The following PLEKHA1 variants were observed in gnomAD, a reference collection of about 807,000 sequenced individuals.
PLEKHA1 encodes the protein pleckstrin homology domain-containing family A member 1.
A neutral mutation model predicts 52.0 loss-of-function variants in PLEKHA1; 34 were observed. The ratio of observed to expected loss-of-function variants is 0.65; its 90% CI spans 0.50 to 0.87. PLEKHA1 has a LOEUF of 0.87. Ranked by LOEUF, PLEKHA1 falls within the 40% of genes least tolerant of loss-of-function variation. The pLI is 0.00. For missense variants in PLEKHA1, 497 were observed against 504.2 expected, an observed-to-expected ratio of 0.99 and a Z score of 0.14; for synonymous variants, 163 against 170.7, an observed-to-expected ratio of 0.95 and a Z score of 0.35.
chr10:122,406,755 C>T, intron 5 of PLEKHA1, 82 bp downstream of exon 5: 1 of 1,023,012 alleles, frequency 9.8e-7, no homozygotes, highest in Non-Finnish European at 1.5e-6. Context: ...CCAAATGTTC[C>T]CAGCTTACCA....
At chr10:122,432,866 T>C (rs944383077), downstream of PLEKHA1, 1 of 152,218 alleles carries the variant, frequency 6.6e-6, no homozygotes, top group African/African-American at 2.4e-5. Flanking sequence ...CAGTGCTTGG[T>C]GCACTTGGTA....
chr10:122,391,449 G>T (rs78012312), intron 1 of PLEKHA1, among the ~76,000 whole-genome samples: 330 of 152,282 alleles, frequency 2.2e-3, no homozygotes, highest in Non-Finnish European at 3.6e-3. Flanking sequence ...TATAAATGGT[G>T]TGAGGTAGGG....
chr10:122,394,654 A>G (rs769379235), intron 2 of PLEKHA1, among the ~76,000 whole-genome samples: 14 of 152,168 alleles, frequency 9.2e-5, no homozygotes, highest in Non-Finnish European at 1.6e-4. Flanking sequence ...GACAAGATAT[A>G]TATGTGTCTA....
intron 1 of PLEKHA1, among the ~76,000 whole-genome samples, chr10:122,386,156 G>GT (rs201449337): frequency 1.5e-4 from 23 of 151,946 alleles, no homozygotes; most frequent in African/African-American, 2.9e-4. Flanking sequence ...TGTTGTCAGG[G>GT]TTTTTTTTGT....
intron 4 of PLEKHA1, among the ~76,000 whole-genome samples, chr10:122,405,711 C>T (rs907898621): frequency 3.3e-5 from 5 of 151,942 alleles, no homozygotes; most frequent in Admixed American, 2.0e-4. Flanking sequence ...AACTACTACT[C>T]AAGGGCTAGA....
chr10:122,385,475 C>G (rs948693301), intron 1 of PLEKHA1, among the ~76,000 whole-genome samples: 19 of 151,964 alleles, frequency 1.3e-4, no homozygotes, highest in Admixed American at 1.1e-3. Flanking sequence ...CACCACCATG[C>G]CCGGCTAATT....
chr10:122,422,450 G>A (rs751979294), intron 8 of PLEKHA1: 1 of 152,182 alleles, frequency 6.6e-6, no homozygotes, highest in East Asian at 1.9e-4. Flanking sequence ...AGCCACCATC[G>A]GGTGTGTACC....
intron 11 of PLEKHA1, among the ~76,000 whole-genome samples, chr10:122,427,458 G>A (rs577346637): frequency 1.3e-5 from 2 of 152,080 alleles, no homozygotes; most frequent in African/African-American, 4.8e-5. Flanking sequence ...AGGTTTTTTG[G>A]TTTTGTTTTG....
At chr10:122,382,078 T>A (rs1487207874) in intron 1 of PLEKHA1, among the ~76,000 whole-genome samples, 1 of 152,228 alleles carries the variant, frequency 6.6e-6, no homozygotes. Context: ...TAGGGTTTCT[T>A]ATGTACTCTA....
chr10:122,431,546 C>G lies in PLEKHA1; in HGVS notation c.*1608C>G, dbSNP rs1206906542. 6.6e-6 allele frequency: 1 copy of G among 152,586 alleles called. No homozygotes were observed. Among genetic ancestry groups the G allele is most frequent in the Non-Finnish European group, 1.5e-5 (1 of 68,018 alleles). 9.5% of individuals were successfully genotyped at this position (152,586 alleles called of 1,614,324 possible). On this transcript the variant is annotated 3_prime_UTR_variant, in exon 12 of 12. Transcript: ENST00000368990. ...TGTTTTGTTTTGAATTCATGCATAT[C>G]ATTGAAAATTTCTCGTTTTCATTTT...
chr10:122,392,466 G>T (rs1001721226), intron 1 of PLEKHA1: 1 of 152,068 alleles, frequency 6.6e-6, no homozygotes, highest in Non-Finnish European at 1.5e-5. Context: ...CCATCAGGAG[G>T]CACATCATAC....
At chr10:122,406,899 A>G (rs1275297456) in intron 5 of PLEKHA1, among the ~76,000 whole-genome samples, 1 of 152,220 alleles carries the variant, frequency 6.6e-6, no homozygotes, top group East Asian at 1.9e-4. Flanking sequence ...ATAAGGAGAT[A>G]TATTACTGCA....
At chr10:122,401,617 A>G (rs1164615158) in intron 4 of PLEKHA1, among the ~76,000 whole-genome samples, 5 of 152,178 alleles carry the variant, frequency 3.3e-5, no homozygotes, top group Non-Finnish European at 7.4e-5. Context: ...GAACTTCCAA[A>G]TGGAAATGTT....
At chr10:122,388,910 G>C (rs546762662) in intron 1 of PLEKHA1, among the ~76,000 whole-genome samples, 1 of 147,738 alleles carries the variant, frequency 6.8e-6, no homozygotes, top group Non-Finnish European at 1.5e-5. Context: ...TAGTAATTTA[G>C]TCACATTTTC....
At chr10:122,416,946 T>C (rs1484497799) in intron 7 of PLEKHA1, 2 of 154,412 alleles carry the variant, frequency 1.3e-5, no homozygotes, top group African/African-American at 4.8e-5. Context: ...GGTTTCTTAC[T>C]GTACAATGTC....
chr10:122,396,624 C>T (rs1304327129), intron 2 of PLEKHA1, among the ~76,000 whole-genome samples: 1 of 151,982 alleles, frequency 6.6e-6, no homozygotes, highest in Admixed American at 6.6e-5. Flanking sequence ...CTTCCAGTTA[C>T]CTCCTAATCA....
At chr10:122,397,475 G>A (rs1207874885) in intron 2 of PLEKHA1, among the ~76,000 whole-genome samples, 1 of 152,026 alleles carries the variant, frequency 6.6e-6, no homozygotes, top group African/African-American at 2.4e-5. Context: ...TTAAATGGGG[G>A]GAAATGCAGT....
intron 11 of PLEKHA1, 89 bp from the exon 12 acceptor site, chr10:122,429,518 GTGTGTGTGTGTGTTTTA>G: frequency 1.1e-6 from 1 of 881,760 alleles, no homozygotes; most frequent in Non-Finnish European, 1.7e-6. Flanking sequence ...GTGTGTGTGT[GTGTGTGTGTGTGTTTTA>G]TTTGTTTTTC....
At chr10:122,402,291 T>C (rs1260932201) in intron 4 of PLEKHA1, among the ~76,000 whole-genome samples, 1 of 152,226 alleles carries the variant, frequency 6.6e-6, no homozygotes, top group Non-Finnish European at 1.5e-5. Context: ...ATTAGTCCTC[T>C]ACTGTTAGTG....
Sources: gnomAD v4.1 joint callset for allele counts (sites outside exome capture counted in the v4.1 genomes callset) on GRCh38, gnomAD v4.1.1 for gene constraint, MANE v1.5 for transcripts, NCBI Gene and HGNC (gene_info 2026-07-23, HGNC 2026-07-21) for gene names.